The following DDHD1 variants were observed in gnomAD, a reference collection of about 807,000 sequenced individuals.
DDHD1 encodes phospholipase DDHD1.
Under a neutral mutation model 96.4 loss-of-function variants are expected in DDHD1, and 49 were observed. The observed-to-expected ratio is 0.51, with a 90% CI of 0.40 to 0.64. DDHD1 has a LOEUF of 0.64. Among genes scored for constraint, DDHD1 ranks in the 30% least tolerant of loss-of-function variants. The pLI, the probability that DDHD1 is intolerant of heterozygous loss-of-function variation, is 0.00. For missense variants in DDHD1, 1,106 were observed against 1,161.2 expected (o/e 0.95, Z 0.69); for synonymous variants, 442 against 446.5 (o/e 0.99, Z 0.13).
chr14:53,087,036 A>G (rs1035961447), intron 4 of DDHD1, among the ~76,000 whole-genome samples: 12 of 151,142 alleles, frequency 7.9e-5, no homozygotes, highest in Non-Finnish European at 1.3e-4. Flanking sequence ...CAGACTTTAA[A>G]CCAACAAAGA....
chr14:53,136,807 T>C (rs1232273535), intron 1 of DDHD1, among the ~76,000 whole-genome samples: 1 of 152,198 alleles, frequency 6.6e-6, no homozygotes, highest in Non-Finnish European at 1.5e-5. Flanking sequence ...TAGAACAAAT[T>C]AATTTGAAGT....
rs1268567963 is a variant in DDHD1 at position 53,152,475 on chromosome 14, C to A, written c.624G>T (p.Gly208=). 2.5e-6 allele frequency: 4 copies of A among 1,612,946 alleles called. No homozygotes were observed. The highest frequency in any genetic ancestry group is 3.4e-6 in the Non-Finnish European group (4 of 1,179,708). Residue 208 remains glycine (G), a synonymous_variant, in exon 1 of 13, where the codon GGG becomes GGT. Coordinates refer to ENST00000673822, the MANE Select transcript of DDHD1 (RefSeq NM_001160148.2). ...AGCACACATGGTCGCCGTCCCGGTCCCCGCCCTGGGGCCGGGCACCCGTGG... is the reference window on the plus strand; with the variant it reads ...AGCACACATGGTCGCCGTCCCGGTCACCGCCCTGGGGCCGGGCACCCGTGG... ...LQTTGARPQG[G]DRDGDHVCSP...
chr14:53,121,659 G>A (rs1015686124), intron 1 of DDHD1, among the ~76,000 whole-genome samples: 3 of 152,124 alleles, frequency 2.0e-5, no homozygotes, highest in African/African-American at 7.2e-5. Context: ...ATCATTCTCA[G>A]CAAACTAACA....
At chr14:53,118,238 A>G (rs1047001920) in intron 1 of DDHD1, among the ~76,000 whole-genome samples, 9 of 152,202 alleles carry the variant, frequency 5.9e-5, no homozygotes, top group African/African-American at 2.2e-4. Flanking sequence ...AAAATCCAAA[A>G]AACAGAGCGC....
At chr14:53,098,811 C>A (rs1030747074) in intron 2 of DDHD1, among the ~76,000 whole-genome samples, 5 of 152,076 alleles carry the variant, frequency 3.3e-5, no homozygotes, top group African/African-American at 1.2e-4. Context: ...TACAGAGACA[C>A]CAACACCTGT....
chr14:53,103,882 T>C (rs757635609), intron 1 of DDHD1, 26 bp from the exon 2 acceptor site: 10 of 1,555,914 alleles, frequency 6.4e-6, no homozygotes, highest in African/African-American at 1.4e-5. Context: ...CACAGAATTA[T>C]ACACATTTTA....
chr14:53,050,322 T>C (rs1339665459), intron 12 of DDHD1, among the ~76,000 whole-genome samples: 1 of 152,158 alleles, frequency 6.6e-6, no homozygotes, highest in Non-Finnish European at 1.5e-5. Flanking sequence ...AGGGAGTAGT[T>C]CTGAATTTGC....
chr14:53,067,796 T>C (rs1252528396), intron 6 of DDHD1, among the ~76,000 whole-genome samples: 1 of 152,196 alleles, frequency 6.6e-6, no homozygotes, highest in African/African-American at 2.4e-5. Context: ...ATATAAAATG[T>C]TGCAAAATAA....
intron 1 of DDHD1, among the ~76,000 whole-genome samples, chr14:53,126,272 A>C (rs890276570): frequency 6.6e-6 from 1 of 152,342 alleles, no homozygotes; most frequent in African/African-American, 2.4e-5. Flanking sequence ...ATTATGATAC[A>C]CAAAAATAGA....
At chr14:53,120,084 A>G (rs1888868022) in intron 1 of DDHD1, among the ~76,000 whole-genome samples, 1 of 152,242 alleles carries the variant, frequency 6.6e-6, no homozygotes, top group African/African-American at 2.4e-5. Flanking sequence ...TTAAGCTGAT[A>G]AGCAGCTTCA....
chr14:53,069,183 C>T (rs1470209574), intron 6 of DDHD1, among the ~76,000 whole-genome samples: 1 of 152,134 alleles, frequency 6.6e-6, no homozygotes, highest in Admixed American at 6.5e-5. Context: ...GTTGTCCCAG[C>T]CCCAGAATCA....
chr14:53,092,252 T>C (rs1048200936), intron 3 of DDHD1: 2 of 182,558 alleles, frequency 1.1e-5, no homozygotes. Context: ...GAAAAAAATA[T>C]GCAAAATATA....
At chr14:53,094,451 A>T (rs1886701382) in intron 2 of DDHD1, among the ~76,000 whole-genome samples, 1 of 152,216 alleles carries the variant, frequency 6.6e-6, no homozygotes, top group Non-Finnish European at 1.5e-5. Flanking sequence ...TCTGTAATCC[A>T]GCACTCTGGG....
At chr14:53,121,922 T>TAAAAA (rs10673927) in intron 1 of DDHD1, among the ~76,000 whole-genome samples, 5 of 146,190 alleles carry the variant, frequency 3.4e-5, no homozygotes, top group Admixed American at 1.4e-4. Flanking sequence ...CCCAGAACGT[T>TAAAAA]AAAAAAAAAA....
At chr14:53,080,380 T>C (rs886599396) in intron 4 of DDHD1, among the ~76,000 whole-genome samples, 21 of 152,036 alleles carry the variant, frequency 1.4e-4, no homozygotes, top group Non-Finnish European at 2.2e-4. Flanking sequence ...AAAAAAGACT[T>C]TTCACATGGT....
At chr14:53,117,200 G>T (rs1888611914) in intron 1 of DDHD1, among the ~76,000 whole-genome samples, 1 of 151,734 alleles carries the variant, frequency 6.6e-6, no homozygotes, top group Admixed American at 6.6e-5. Flanking sequence ...AATAGGAACA[G>T]CTCTGGTCTG....
intron 1 of DDHD1, among the ~76,000 whole-genome samples, chr14:53,119,785 G>A (rs1377114324): frequency 2.0e-5 from 3 of 152,052 alleles, no homozygotes; most frequent in Non-Finnish European, 4.4e-5. Flanking sequence ...AATAAACTAG[G>A]TATCAATAGA....
intron 6 of DDHD1, among the ~76,000 whole-genome samples, chr14:53,067,084 T>C (rs1172612882): frequency 6.6e-6 from 1 of 151,186 alleles, no homozygotes; most frequent in Non-Finnish European, 1.5e-5. Flanking sequence ...CTGTTAAAAA[T>C]ACAAAATCAC....
chr14:53,076,341 T>G (rs1441993505), intron 4 of DDHD1, among the ~76,000 whole-genome samples: 1 of 152,174 alleles, frequency 6.6e-6, no homozygotes, highest in African/African-American at 2.4e-5. Context: ...AGGAAGTAAC[T>G]GCAGATGTAT....
Sources: allele counts gnomAD v4.1 joint callset (sites outside exome capture counted in the v4.1 genomes callset), GRCh38; gene constraint gnomAD v4.1.1; transcripts MANE v1.5; gene names NCBI Gene and HGNC (gene_info 2026-07-23, HGNC 2026-07-21).